NCAPD3: variants seen among roughly 807,000 people sequenced by gnomAD.
NCAPD3 encodes non-SMC condensin II complex subunit D3.
Under a neutral mutation model 182.9 loss-of-function variants are expected in NCAPD3, and 105 were observed. That is an observed-to-expected ratio of 0.57 (90% CI 0.49 to 0.68). The LOEUF is 0.68. NCAPD3 is among the 30% of genes least tolerant of loss of function. NCAPD3 has a pLI of 0.00. For missense variants in NCAPD3, 1,944 were observed against 1,837.0 expected, an observed-to-expected ratio of 1.06 and a Z score of -1.07; for synonymous variants, 815 against 679.9, an observed-to-expected ratio of 1.20 and a Z score of -3.09.
chr11:134,163,989 T>C (rs184937169), intron 27 of NCAPD3, among the ~76,000 whole-genome samples: 5 of 148,146 alleles, frequency 3.4e-5, no homozygotes, highest in Admixed American at 1.3e-4. Context: ...ACCATGGAAA[T>C]GGGATAAGCT....
chr11:134,217,072 G>A lies in NCAPD3; in HGVS notation c.246C>T (p.Asn82=), dbSNP rs756337587. Residue 82 remains asparagine (N), a synonymous_variant, in exon 3 of 35, where the codon AAC becomes AAT. Transcript: ENST00000534548. ...MESIWTFFIE[N]NVSHSTLVAL... ...CCACCAGTGTACTATGGGAAACATTGTTCTCAATGAAGAAGGTCCAGATAC... is the reference window on the plus strand; with the variant it reads ...CCACCAGTGTACTATGGGAAACATTATTCTCAATGAAGAAGGTCCAGATAC... 79 of 1,612,198 alleles carry A rather than the reference G, an allele frequency of 4.9e-5. No individual in the cohort carries two copies. The highest frequency in any genetic ancestry group is 6.4e-5 in the Non-Finnish European group (75 of 1,179,362).
chr11:134,167,516 CAG>C (rs1943877952), intron 27 of NCAPD3, among the ~76,000 whole-genome samples: 1 of 74,382 alleles, frequency 1.3e-5, no homozygotes, highest in South Asian at 5.1e-4. Flanking sequence ...GAGATGAGCT[CAG>C]GGGAGCTGCA....
intron 2 of NCAPD3, among the ~76,000 whole-genome samples, chr11:134,219,326 G>A (rs985093800): frequency 6.6e-6 from 1 of 152,092 alleles, no homozygotes; most frequent in Non-Finnish European, 1.5e-5. Context: ...AGTGTGGTTC[G>A]TAGAATATTT....
At chr11:134,165,188 G>C (rs866117384) in intron 27 of NCAPD3, among the ~76,000 whole-genome samples, 16 of 148,868 alleles carry the variant, frequency 1.1e-4, no homozygotes, top group Middle Eastern at 3.8e-3. Context: ...ACACTTGTGA[G>C]ATGAGCTTGG....
At position 134,186,782 on chromosome 11, in the gene NCAPD3, A is replaced by G. The variant is rs79844720; in HGVS notation, c.2046-1256T>C. On this transcript the variant is annotated intron_variant, in intron 16 of 34. Transcript: ENST00000534548. ...TAACTGTAACAAAATAAACACATCT[A>G]TATACCATAATAAGCATATGCATAT... 9.7e-3 allele frequency among the ~76,000 whole-genome samples: 1,475 copies of G among 152,256 alleles called. 17 individuals carry two copies. The highest frequency in any genetic ancestry group is 0.033 in the African/African-American group (1,383 of 41,542).
rs558254432 is a variant in NCAPD3 at position 134,179,084 on chromosome 11, T to C, written c.2560-148A>G. On this transcript the variant is annotated intron_variant, in intron 20 of 34. Transcript: ENST00000534548. Reference sequence around the variant, plus strand: ...TTCGTTTCATAAAAATACATGGCTATTGTAAAAACTTAGTCACTATGTAAT... The same window carrying C: ...TTCGTTTCATAAAAATACATGGCTACTGTAAAAACTTAGTCACTATGTAAT... 60 of 610,916 alleles carry C rather than the reference T, an allele frequency of 9.8e-5. No homozygotes were observed. The East Asian group carries it at 1.5e-3, about 15-fold the overall frequency. 37.8% of individuals were successfully genotyped at this position (610,916 alleles called of 1,614,324 possible). A position where few individuals can be genotyped will look rare whatever the true frequency, so the allele number is the denominator to read the frequency against.
intron 2 of NCAPD3, 142 bp downstream of exon 2, chr11:134,220,430 A>T: frequency 3.9e-6 from 3 of 766,208 alleles, no homozygotes; most frequent in Non-Finnish European, 6.0e-6. Flanking sequence ...ATATTCCAAT[A>T]AATTAACCAC....
intron 27 of NCAPD3, among the ~76,000 whole-genome samples, chr11:134,166,737 T>A (rs900921617): frequency 8.9e-6 from 1 of 112,650 alleles, no homozygotes; most frequent in African/African-American, 3.7e-5. Context: ...ACTTGTGAGA[T>A]GAGCTTGGGG....
chr11:134,168,971 T>G lies in NCAPD3; in HGVS notation c.3185A>C (p.His1062Pro), dbSNP rs755011107. Residue 1062 changes from histidine to proline, a missense_variant, in exon 25 of 35, where the codon CAC becomes CCC. Physicochemically the swap from His to Pro is moderately conservative, Grantham distance 77. Coordinates refer to ENST00000534548, the MANE Select transcript of NCAPD3 (RefSeq NM_015261.3). ...FFQHFIECIF[H>P]FNNYEKHEKY... ...CTCATGCTTCTCATAGTTATTAAAG[T>G]GAAAAATACATTCAATGAAGTGTTG... The G allele has an allele frequency of 6.2e-7, 1 of 1,613,956 alleles. No individual in the cohort carries two copies. The highest frequency in any genetic ancestry group is 1.1e-5 in the South Asian group (1 of 91,066).
At chr11:134,182,006 G>T (rs1178534974) in intron 19 of NCAPD3, among the ~76,000 whole-genome samples, 1 of 152,122 alleles carries the variant, frequency 6.6e-6, no homozygotes, top group Non-Finnish European at 1.5e-5. Flanking sequence ...TTGCCCTAAC[G>T]TATCTGGAAA....
At chr11:134,218,074 G>A (rs1938091596) in intron 2 of NCAPD3, among the ~76,000 whole-genome samples, 1 of 136,958 alleles carries the variant, frequency 7.3e-6, no homozygotes, top group African/African-American at 2.7e-5. Flanking sequence ...TTCCAGCCTG[G>A]GTGACAGAGC....
intron 27 of NCAPD3, among the ~76,000 whole-genome samples, chr11:134,163,812 C>A (rs1384882322): frequency 7.2e-6 from 1 of 138,416 alleles, no homozygotes; most frequent in Admixed American, 7.8e-5. Flanking sequence ...GCGGAGCTTG[C>A]AGTGAGCTGA....
chr11:134,153,177 C>G lies in NCAPD3; in HGVS notation c.4351G>C (p.Gly1451Arg). 1 of 1,614,198 alleles carries G rather than the reference C, an allele frequency of 6.2e-7. No homozygotes were observed. Among genetic ancestry groups the G allele is most frequent in the Non-Finnish European group, 8.5e-7 (1 of 1,180,026 alleles). Reference protein sequence around the residue: ...AKEKIEGRSQGNDILCLSLPD... With the variant: ...AKEKIEGRSQRNDILCLSLPD... ...AGTGATAAACATAAGATGTCATTTC[C>G]TTGACTCCGGCCTTCAATTTTCTCT... The change falls in exon 34 of 35, where the codon GGA (glycine) becomes CGA (arginine). Residue 1451 changes from glycine to arginine, a missense_variant. Around this residue, in one of 3 missense-constraint regions of NCAPD3, gnomAD observed 1,803 missense variants for 1,674.6 expected, o/e 1.08. Transcript: ENST00000534548.
At position 134,152,391 on chromosome 11, in the gene NCAPD3, A is replaced by T. The variant is rs1393287538; in HGVS notation, c.*553T>A. 6.6e-6 allele frequency: 1 copy of T among 152,282 alleles called. No individual in the cohort carries two copies. Among genetic ancestry groups the T allele is most frequent in the African/African-American group, 2.4e-5 (1 of 41,476 alleles). 9.4% of individuals were successfully genotyped at this position (152,282 alleles called of 1,614,324 possible). A position where few individuals can be genotyped will look rare whatever the true frequency, so the allele number is the denominator to read the frequency against. ...TGCTTTATGTAAAATTAAAATGATT[A>T]CCAATAAGAGCTCTGTTCTAAAAAC... On this transcript the variant is annotated 3_prime_UTR_variant, in exon 35 of 35. Coordinates refer to ENST00000534548, the MANE Select transcript of NCAPD3 (RefSeq NM_015261.3).
chr11:134,159,187 G>A (rs1943511048), intron 29 of NCAPD3, among the ~76,000 whole-genome samples: 1 of 152,212 alleles, frequency 6.6e-6, no homozygotes, highest in African/African-American at 2.4e-5. Flanking sequence ...CAGCAGCGAG[G>A]CTGCTGCCTC....
chr11:134,174,208 C>A (rs1944097924), intron 24 of NCAPD3, among the ~76,000 whole-genome samples: 1 of 151,070 alleles, frequency 6.6e-6, no homozygotes, highest in Non-Finnish European at 1.5e-5. Context: ...CTGGCAAAAA[C>A]GTGTCTCTAC....
In NCAPD3 at chr11:134,202,862, T is replaced by C. The variant is rs1217342699; in HGVS notation, c.1569A>G (p.Ser523=). 1 of 1,609,164 alleles carries C rather than the reference T, an allele frequency of 6.2e-7. No homozygotes were observed. Among genetic ancestry groups the C allele is most frequent in the South Asian group, 1.1e-5 (1 of 89,518 alleles). ...QRQTSNRSEP[S]GEINIDSSGE... ...CACTGCTGTCTATGTTGATCTCCCC[T>C]GAGGGTTCGGAACGGTTAGATGTCT... is the stretch of plus-strand genomic sequence containing the variant. The change falls in exon 13 of 35, where the codon TCA becomes TCG. Residue 523 remains serine (S), a synonymous_variant. Transcript: ENST00000534548.
At chr11:134,159,128 T>C (rs1419909043) in intron 29 of NCAPD3, among the ~76,000 whole-genome samples, 1 of 152,160 alleles carries the variant, frequency 6.6e-6, no homozygotes, top group African/African-American at 2.4e-5. Context: ...AACATGGGAG[T>C]GCAGGTATGT....
At position 134,168,614 on chromosome 11, in the gene NCAPD3, C is replaced by T. The variant is rs762454420; in HGVS notation, c.3240-12G>A. 3.2e-5 allele frequency: 51 copies of T among 1,613,750 alleles called. No homozygotes were observed. The highest frequency in any genetic ancestry group is 1.8e-4 in the Admixed American group (11 of 60,004). Reference sequence around the variant, plus strand: ...ACAGCCGCTTCTCTCTGTGGCAGAACGGGACAAGTTCACTGCATCACATGG... The same window carrying T: ...ACAGCCGCTTCTCTCTGTGGCAGAATGGGACAAGTTCACTGCATCACATGG... On this transcript the variant is annotated splice_polypyrimidine_tract_variant and intron_variant, in intron 25 of 34. Transcript: ENST00000534548.
Sources: allele counts gnomAD v4.1 joint callset (sites outside exome capture counted in the v4.1 genomes callset), GRCh38; gene constraint gnomAD v4.1.1; regional missense constraint gnomAD v4.1.1; transcripts MANE v1.5; gene names NCBI Gene and HGNC (gene_info 2026-07-23, HGNC 2026-07-21).